The following PARD3B variants were observed in gnomAD, a reference collection of about 807,000 sequenced individuals.
PARD3B encodes the protein partitioning defective 3 homolog B.
A neutral mutation model predicts 130.2 loss-of-function variants in PARD3B; 103 were observed. That is an observed-to-expected ratio of 0.79 (90% confidence interval 0.67 to 0.93). The LOEUF (loss-of-function observed/expected upper bound fraction) is 0.93. Among genes scored for constraint, PARD3B ranks in the 40% least tolerant of loss-of-function variants. The pLI, the probability that PARD3B is intolerant of heterozygous loss-of-function variation, is 0.00. For missense variants in PARD3B, 1,609 were observed against 1,499.2 expected (o/e 1.07, Z -1.21); for synonymous variants, 583 against 553.2 (o/e 1.05, Z -0.76).
chr2:204,825,392 A>C (rs944656881), intron 2 of PARD3B, among the ~76,000 whole-genome samples: 2 of 152,200 alleles, frequency 1.3e-5, no homozygotes, highest in African/African-American at 4.8e-5. Context: ...AGCTTGGAGC[A>C]GTTCTTTTGA....
intron 2 of PARD3B, among the ~76,000 whole-genome samples, chr2:204,910,905 G>A (rs1354698556): frequency 6.6e-6 from 1 of 152,204 alleles, no homozygotes; most frequent in Non-Finnish European, 1.5e-5. Context: ...GCCTCCCAAA[G>A]TGCTGGGATT....
chr2:204,837,884 T>A (rs1026031411), intron 2 of PARD3B, among the ~76,000 whole-genome samples: 6 of 152,276 alleles, frequency 3.9e-5, no homozygotes, highest in Non-Finnish European at 8.8e-5. Flanking sequence ...CTATTTGTCC[T>A]ACCTAACTTT....
chr2:204,561,584 T>A (rs1265163656), intron 1 of PARD3B, among the ~76,000 whole-genome samples: 1 of 149,998 alleles, frequency 6.7e-6, no homozygotes, highest in Non-Finnish European at 1.5e-5. Flanking sequence ...TATGTACTCA[T>A]CTCCCTTGTA....
chr2:204,843,134 G>A (rs149909035), intron 2 of PARD3B, among the ~76,000 whole-genome samples: 256 of 151,898 alleles, frequency 1.7e-3, no homozygotes, highest in African/African-American at 5.8e-3. Flanking sequence ...GCTAAACCTC[G>A]GCCCATACTT....
chr2:204,685,032 G>C (rs756406966), intron 1 of PARD3B, among the ~76,000 whole-genome samples: 4 of 152,044 alleles, frequency 2.6e-5, no homozygotes, highest in Non-Finnish European at 5.9e-5. Context: ...TTGTTTAATA[G>C]TATGCCCTTA....
At chr2:205,457,766 T>C (rs111676032) in intron 20 of PARD3B, among the ~76,000 whole-genome samples, 8 of 152,252 alleles carry the variant, frequency 5.3e-5, no homozygotes, top group African/African-American at 1.9e-4. Context: ...TTATCAAAGT[T>C]TGTTGTCAGA....
chr2:205,414,548 T>C (rs1384158067), intron 19 of PARD3B, among the ~76,000 whole-genome samples: 1 of 152,110 alleles, frequency 6.6e-6, no homozygotes, highest in Non-Finnish European at 1.5e-5. Context: ...AAAATTACCT[T>C]GATTATAATA....
intron 19 of PARD3B, among the ~76,000 whole-genome samples, chr2:205,418,703 T>C (rs1212734898): frequency 2.0e-5 from 3 of 152,204 alleles, no homozygotes; most frequent in Admixed American, 6.5e-5. Context: ...TAATACATGA[T>C]ATTTTTGCTG....
chr2:204,675,113 G>T lies in PARD3B; in HGVS notation c.121-11068G>T, dbSNP rs2036475733. ...TAAAACCTTGGCATCCAGGGCTTTG[G>T]ACTATAAAATTTCATTGGAAACAAA... On this transcript the variant is annotated intron_variant, in intron 1 of 22. Coordinates refer to ENST00000406610, the MANE Select transcript of PARD3B (RefSeq NM_001302769.2). This position sits in a 1 kb window ranked among gnomAD's most constrained non-coding sequence, Gnocchi z 4.4. Among the ~76,000 whole-genome samples the T allele has an allele frequency of 6.6e-6, 1 of 151,992 alleles. No individual in the cohort carries two copies. The highest frequency in any genetic ancestry group is 1.5e-5 in the Non-Finnish European group (1 of 67,994).
At chr2:205,296,147 T>C (rs2041783170) in intron 16 of PARD3B, among the ~76,000 whole-genome samples, 1 of 152,218 alleles carries the variant, frequency 6.6e-6, no homozygotes, top group Admixed American at 6.5e-5. Context: ...GCACTCACGA[T>C]GTGCCAGGCA....
intron 2 of PARD3B, among the ~76,000 whole-genome samples, chr2:204,878,304 A>G: frequency 6.6e-6 from 1 of 152,176 alleles, no homozygotes; most frequent in Non-Finnish European, 1.5e-5. Context: ...AAAGCAGTAA[A>G]ACCGGGTGTA....
In PARD3B at chr2:204,664,656, G is replaced by A. The variant is rs2035949157; in HGVS notation, c.121-21525G>A. On this transcript the variant is annotated intron_variant, in intron 1 of 22. Transcript: ENST00000406610. The surrounding 1 kb of genome is among the most constrained non-coding windows in gnomAD (Gnocchi z 5.2). ...TGGCTCTGGTAAAATCTATTCTGAA[G>A]AACTTATAGGCAAATAGCTTTTGAG... Among the ~76,000 whole-genome samples the A allele has an allele frequency of 2.6e-5, 4 of 152,266 alleles. 1 individual carries two copies. The South Asian group carries it at 8.3e-4, about 32-fold the overall frequency.
intron 22 of PARD3B, among the ~76,000 whole-genome samples, chr2:205,557,570 TG>T (rs1266095282): frequency 1.2e-4 from 19 of 152,278 alleles, no homozygotes; most frequent in African/African-American, 4.6e-4. Context: ...ACTTACCACC[TG>T]TGTGGCCTTG....
intron 18 of PARD3B, among the ~76,000 whole-genome samples, chr2:205,337,152 A>G (rs1366736230): frequency 6.6e-6 from 1 of 152,224 alleles, no homozygotes; most frequent in Non-Finnish European, 1.5e-5. Context: ...ATTCAACCAA[A>G]TACATGCTTC....
chr2:204,959,731 C>A (rs1381649530), intron 2 of PARD3B, among the ~76,000 whole-genome samples: 1 of 152,100 alleles, frequency 6.6e-6, no homozygotes, highest in African/African-American at 2.4e-5. Context: ...CTAGGAGAAT[C>A]CTAGTTTCAG....
intron 3 of PARD3B, among the ~76,000 whole-genome samples, chr2:204,970,638 G>A (rs1182888735): frequency 1.3e-5 from 2 of 152,038 alleles, no homozygotes; most frequent in Non-Finnish European, 2.9e-5. Flanking sequence ...ATTTTTTTCA[G>A]TACTTCTTGA....
intron 21 of PARD3B, among the ~76,000 whole-genome samples, chr2:205,535,615 AAAT>A (rs534214909): frequency 7.7e-4 from 117 of 152,356 alleles, no homozygotes; most frequent in African/African-American, 2.7e-3. Context: ...CACAGTATTT[AAAT>A]AATAGCCCAC....
chr2:205,477,168 C>T (rs2049051550), intron 20 of PARD3B, among the ~76,000 whole-genome samples: 1 of 152,180 alleles, frequency 6.6e-6, no homozygotes, highest in African/African-American at 2.4e-5. Flanking sequence ...CTTCAACCTC[C>T]AGTCCCACTT....
At chr2:205,534,054 C>CAAA (rs1575281482) in intron 21 of PARD3B, among the ~76,000 whole-genome samples, 1 of 70,494 alleles carries the variant, frequency 1.4e-5, no homozygotes, top group Non-Finnish European at 3.8e-5. Context: ...AGTGAAAAAG[C>CAAA]CAAAAAAAAA....
Sources: gnomAD v4.1 joint callset for allele counts (sites outside exome capture counted in the v4.1 genomes callset) on GRCh38, gnomAD v4.1.1 for gene constraint, Gnocchi (gnomAD v3.1) non-coding constraint, MANE v1.5 for transcripts, NCBI Gene and HGNC (gene_info 2026-07-23, HGNC 2026-07-21) for gene names.